Variants in EVC observed in about 807,000 individuals in gnomAD.
The protein encoded by EVC is EvC ciliary complex subunit 1, also known as evC complex member EVC.
EVC carries 116 observed loss-of-function variants against 118.9 expected under a neutral mutation model. The ratio of observed to expected loss-of-function variants is 0.98; its 90% CI spans 0.84 to 1.14. EVC has a LOEUF of 1.14. Ranked by LOEUF, EVC falls within the 50% of genes most tolerant of loss-of-function variation. The probability of loss-of-function intolerance (pLI) is 0.00; values close to 1 mark genes in which losing one functional copy is unlikely to be tolerated. For synonymous variants in EVC, 619 were observed against 534.7 expected (o/e 1.16, Z -2.18); for missense variants, 1,401 against 1,246.4 (o/e 1.12, Z -1.87).
intron 5 of EVC, among the ~76,000 whole-genome samples, chr4:5,739,769 A>T (rs752918018): frequency 6.6e-6 from 1 of 152,164 alleles, no homozygotes; most frequent in Non-Finnish European, 1.5e-5. Flanking sequence ...CCCTGCATTT[A>T]AAAATGCCTT....
intron 1 of EVC, among the ~76,000 whole-genome samples, chr4:5,714,495 A>AT (rs56388164): frequency 0.11 from 14,480 of 129,516 alleles, 931 homozygotes; most frequent in Middle Eastern, 0.15. Flanking sequence ...TGCTGCTTGC[A>AT]TTTTTTTTTT....
At chr4:5,821,736 G>C in the EVC span, 5 of 1,585,122 alleles carry the variant, frequency 3.2e-6, no homozygotes, top group Admixed American at 8.8e-5. This position sits in a 1 kb window ranked among gnomAD's most constrained non-coding sequence, Gnocchi z 4.4. Context: ...AATCCTTCAG[G>C]CTAGCTCCTC....
chr4:5,714,893 C>A (rs987196270), intron 1 of EVC, among the ~76,000 whole-genome samples: 1 of 152,088 alleles, frequency 6.6e-6, no homozygotes, highest in African/African-American at 2.4e-5. Context: ...TAGCTTTGAC[C>A]TCTTGGGCTC....
intron 11 of EVC, among the ~76,000 whole-genome samples, chr4:5,773,353 A>T (rs1734270710): frequency 6.6e-6 from 1 of 151,796 alleles, no homozygotes; most frequent in Non-Finnish European, 1.5e-5. Flanking sequence ...GATTAACTTG[A>T]CTCAGCCTTG....
At chr4:5,820,357 A>T in the EVC span, among the ~76,000 whole-genome samples, 1 of 151,590 alleles carries the variant, frequency 6.6e-6, no homozygotes, top group Non-Finnish European at 1.5e-5. Context: ...AACAACAGCT[A>T]ATGGAAGCAA....
In EVC at chr4:5,756,416, G is replaced by A. The variant is rs747035; in HGVS notation, c.1563+54G>A. 5.5e-6 allele frequency: 8 copies of A among 1,459,328 alleles called. No individual in the cohort carries two copies. The highest frequency in any genetic ancestry group is 2.8e-5 in the African/African-American group (2 of 71,906). 90.4% of individuals were successfully genotyped at this position (1,459,328 alleles called of 1,614,324 possible). On this transcript the variant is annotated intron_variant, in intron 11 of 20. Coordinates refer to ENST00000264956, the MANE Select transcript of EVC (RefSeq NM_153717.3). The surrounding 1 kb of genome is among the most constrained non-coding windows in gnomAD (Gnocchi z 4.2). ...GAAGCCCCAGGGTCTGTGTGTGTGC[G>A]AGAACCTCACATCCTCCTGGCTGGG...
intron 1 of EVC, among the ~76,000 whole-genome samples, chr4:5,712,089 G>T (rs953745779): frequency 1.3e-5 from 2 of 152,220 alleles, no homozygotes; most frequent in Non-Finnish European, 2.9e-5. Flanking sequence ...GAGAGACCCT[G>T]CCTTGAGGCT....
intron 2 of EVC, among the ~76,000 whole-genome samples, chr4:5,721,370 C>G (rs1190731940): frequency 6.6e-6 from 1 of 152,134 alleles, no homozygotes; most frequent in African/African-American, 2.4e-5. Context: ...CTGAATGAAC[C>G]TAGAAAACAT....
the EVC span, chr4:5,824,718 A>G: frequency 2.0e-6 from 2 of 985,228 alleles, no homozygotes; most frequent in South Asian, 4.7e-5. Context: ...AGTATTTACT[A>G]TCCGGCCTTC....
chr4:5,779,171 G>A (rs1391787964), intron 11 of EVC, among the ~76,000 whole-genome samples: 2 of 151,056 alleles, frequency 1.3e-5, no homozygotes. Flanking sequence ...CATTATTTCT[G>A]AGGGCTCTGT....
chr4:5,768,221 A>G (rs1733285283), intron 11 of EVC, among the ~76,000 whole-genome samples: 1 of 152,092 alleles, frequency 6.6e-6, no homozygotes, highest in Non-Finnish European at 1.5e-5. Context: ...AGTTGCATTT[A>G]CTTCTGAGTG....
At chr4:5,786,614 C>T (rs111888783) in intron 12 of EVC, among the ~76,000 whole-genome samples, 11,636 of 152,224 alleles carry the variant, frequency 0.076, 477 homozygotes, top group Middle Eastern at 0.14. Context: ...TGGCTCACGC[C>T]TATAATCCCA....
intron 11 of EVC, among the ~76,000 whole-genome samples, chr4:5,780,369 G>A (rs777075706): frequency 4.6e-5 from 7 of 152,164 alleles, no homozygotes; most frequent in African/African-American, 7.2e-5. Flanking sequence ...CACTGGCTAA[G>A]GGTATGAGTC....
At chr4:5,825,541 T>C in the EVC span, 1 of 1,593,214 alleles carries the variant, frequency 6.3e-7, no homozygotes, top group Admixed American at 1.8e-5. The surrounding 1 kb of genome is among the most constrained non-coding windows in gnomAD (Gnocchi z 4.4). Flanking sequence ...GGGTGGGGGC[T>C]GGTGTTTAGA....
At position 5,738,920 on chromosome 4, in the gene EVC, A is replaced by G. The variant is rs1412270183; in HGVS notation, c.703-2796A>G. 6.6e-6 allele frequency among the ~76,000 whole-genome samples: 1 copy of G among 152,148 alleles called. No homozygotes were observed. Among genetic ancestry groups the G allele is most frequent in the Non-Finnish European group, 1.5e-5 (1 of 68,020 alleles). ...GCTCAGATGATCATTAGCATTTTTT[A>G]GGAAGAAGTTATTTTTAAAATTAAG... On this transcript the variant is annotated intron_variant, in intron 5 of 20. Coordinates refer to ENST00000264956, the MANE Select transcript of EVC (RefSeq NM_153717.3). The surrounding 1 kb of genome is among the most constrained non-coding windows in gnomAD (Gnocchi z 6.5).
At position 5,811,147 on chromosome 4, in the gene EVC, T is replaced by C; in HGVS notation, c.*110T>C. The C allele has an allele frequency of 1.2e-6, 1 of 822,156 alleles. No individual in the cohort carries two copies. Among genetic ancestry groups the C allele is most frequent in the Non-Finnish European group, 2.1e-6 (1 of 486,016 alleles). 50.9% of individuals were successfully genotyped at this position (822,156 alleles called of 1,614,324 possible). A position where few individuals can be genotyped will look rare whatever the true frequency, so the allele number is the denominator to read the frequency against. On this transcript the variant is annotated 3_prime_UTR_variant, in exon 21 of 21. Coordinates refer to ENST00000264956, the MANE Select transcript of EVC (RefSeq NM_153717.3). ...CGAGGACGGAGAGGACAGCGGCATCTCTAGGCTCTTCTGAGAGGGACAGAG... is the reference window on the plus strand; with the variant it reads ...CGAGGACGGAGAGGACAGCGGCATCCCTAGGCTCTTCTGAGAGGGACAGAG...
intron 7 of EVC, among the ~76,000 whole-genome samples, 184 bp downstream of exon 7, chr4:5,745,525 G>A (rs1313710434): frequency 6.6e-6 from 1 of 152,212 alleles, no homozygotes; most frequent in Non-Finnish European, 1.5e-5. Flanking sequence ...AAGCAGCAAA[G>A]ATTCACAAAG....
Position 5,770,662 on chromosome 4 carries a change from A to G in EVC, c.1564-12890A>G, listed in dbSNP as rs142436685. The stretch of plus-strand genomic sequence containing the variant: ...TGGGGTTGTGTCCAGGGCATAACCC[A>G]CTCTAGACAATCAGTCAATATTGAT... On this transcript the variant is annotated intron_variant, in intron 11 of 20. Coordinates refer to ENST00000264956, the MANE Select transcript of EVC (RefSeq NM_153717.3). 2.4e-4 allele frequency among the ~76,000 whole-genome samples: 36 copies of G among 152,272 alleles called. 1 individual carries two copies. Among genetic ancestry groups the G allele is most frequent in the African/African-American group, 7.7e-4 (32 of 41,540 alleles).
intron 11 of EVC, among the ~76,000 whole-genome samples, chr4:5,759,082 G>A (rs901705001): frequency 1.3e-5 from 2 of 148,446 alleles, no homozygotes; most frequent in Admixed American, 6.7e-5. Flanking sequence ...CGGTGGGGGC[G>A]GGTCCTCTGA....
Sources: gnomAD v4.1 joint callset for allele counts (sites outside exome capture counted in the v4.1 genomes callset) on GRCh38, gnomAD v4.1.1 for gene constraint, Gnocchi (gnomAD v3.1) non-coding constraint, MANE v1.5 for transcripts, NCBI Gene and HGNC (gene_info 2026-07-23, HGNC 2026-07-21) for gene names.